The following ZBTB8OS variants were observed in gnomAD, a reference collection of about 807,000 sequenced individuals.
ZBTB8OS encodes the protein tRNA splicing ligase complex subunit 1.
In ZBTB8OS, 16 loss-of-function variants were observed where a neutral mutation model predicts 29.3. That is an observed-to-expected ratio of 0.55 (90% CI 0.37 to 0.83). The LOEUF (loss-of-function observed/expected upper bound fraction) is 0.83. Ranked by LOEUF, ZBTB8OS falls within the 40% of genes least tolerant of loss-of-function variation. The probability of loss-of-function intolerance (pLI) is 0.00; values close to 1 mark genes in which losing one functional copy is unlikely to be tolerated. For missense variants in ZBTB8OS, 160 were observed against 196.9 expected (o/e 0.81, Z 1.12); for synonymous variants, 70 against 64.6 (o/e 1.08, Z -0.40).
intron 1 of ZBTB8OS, among the ~76,000 whole-genome samples, chr1:32,645,572 CACAG>C (rs1300396686): frequency 2.6e-5 from 4 of 152,132 alleles, no homozygotes; most frequent in East Asian, 1.9e-4. Context: ...CTTTTTCTTT[CACAG>C]ACAGAGTCTT....
rs937621032 is a variant in ZBTB8OS, at chr1:32,634,334, C to T, written c.123-262G>A. On this transcript the variant is annotated intron_variant, in intron 2 of 6. Coordinates refer to ENST00000468695, the MANE Select transcript of ZBTB8OS (RefSeq NM_178547.5). ...CTCTGCCTCCTGGGTTCAAGCAATTCTCCTGCCTCAGCCTCACAAGTAGCT... is the reference window on the plus strand; with the variant it reads ...CTCTGCCTCCTGGGTTCAAGCAATTTTCCTGCCTCAGCCTCACAAGTAGCT... 2.3e-5 allele frequency: 7 copies of T among 309,326 alleles called. No individual in the cohort carries two copies. In the East Asian group the frequency reaches 2.3e-4, roughly 10 times the overall value. The allele number at this position is 309,326 out of a possible 1,614,324, so 19.2% of individuals were successfully genotyped here.
At chr1:32,627,448 A>G in intron 6 of ZBTB8OS, 60 bp downstream of exon 6, 2 of 1,481,290 alleles carry the variant, frequency 1.4e-6, no homozygotes, top group Non-Finnish European at 1.9e-6. Flanking sequence ...ATTGTCACAT[A>G]TATGAACTTT....
intron 1 of ZBTB8OS, among the ~76,000 whole-genome samples, chr1:32,643,737 C>T (rs1333945711): frequency 6.6e-6 from 1 of 152,006 alleles, no homozygotes; most frequent in East Asian, 1.9e-4. Flanking sequence ...CCTCGTAATC[C>T]GCCTGCCTCA....
chr1:32,634,000 T>C lies in ZBTB8OS; in HGVS notation c.195A>G (p.Thr65=), dbSNP rs1408883544. ...QCAMAMFGYM[T]DTGTVEPLQT... is the part of the protein sequence containing the mutation. ...GGAGGGGCTCCACTGTCCCAGTATC[T>C]GTCATGTAACCAAACATGGCCATTG... is the stretch of plus-strand genomic sequence containing the variant. Residue 65 remains threonine (T), a synonymous_variant, in exon 3 of 7, where the codon ACA becomes ACG. Coordinates refer to ENST00000468695, the MANE Select transcript of ZBTB8OS (RefSeq NM_178547.5). 6.3e-7 allele frequency: 1 copy of C among 1,599,590 alleles called. No individual in the cohort carries two copies. Among genetic ancestry groups the C allele is most frequent in the Non-Finnish European group, 8.5e-7 (1 of 1,176,814 alleles).
intron 1 of ZBTB8OS, among the ~76,000 whole-genome samples, chr1:32,645,901 G>T (rs1055873704): frequency 1.3e-5 from 2 of 152,128 alleles, no homozygotes. Context: ...GAAGGATATA[G>T]GGAACCCCAG....
In ZBTB8OS at chr1:32,625,975, C is replaced by T. The variant is rs367643428; in HGVS notation, c.417+1533G>A. ...GCAACCTCTGCCTCCCAGGTTCAAG[C>T]GATTCTCCTGCCTCAGCCTCCCGAA... On this transcript the variant is annotated intron_variant, in intron 6 of 6. Transcript: ENST00000468695. Among the ~76,000 whole-genome samples, 22 of 151,638 alleles carry T rather than the reference C, an allele frequency of 1.5e-4. No individual in the cohort carries two copies. The East Asian group carries it at 2.1e-3, about 15-fold the overall frequency.
chr1:32,626,670 T>C (rs1388999006), intron 6 of ZBTB8OS, among the ~76,000 whole-genome samples: 1 of 152,218 alleles, frequency 6.6e-6, no homozygotes, highest in Non-Finnish European at 1.5e-5. Context: ...TGCCTCAGCC[T>C]CCTGAGCAGC....
rs375059541 is a variant in ZBTB8OS, at chr1:32,630,618, T to C, written c.380+1209A>G. Among the ~76,000 whole-genome samples the C allele has an allele frequency of 1.7e-3, 264 of 152,214 alleles. 1 individual carries two copies. The highest frequency in any genetic ancestry group is 5.7e-3 in the African/African-American group (237 of 41,538). ...GGAGCCGGGCGTGGTGGTATGCACC[T>C]GTTGTCCCAGCTACTCAGGAGGCCA... is the stretch of plus-strand genomic sequence containing the variant. On this transcript the variant is annotated intron_variant, in intron 5 of 6. Coordinates refer to ENST00000468695, the MANE Select transcript of ZBTB8OS (RefSeq NM_178547.5).
At chr1:32,623,797 A>C (rs1025487776) in intron 6 of ZBTB8OS, among the ~76,000 whole-genome samples, 2 of 152,004 alleles carry the variant, frequency 1.3e-5, no homozygotes, top group East Asian at 3.9e-4. Context: ...CTCACTCCTC[A>C]TCTCTCTTGC....
At chr1:32,629,758 T>C (rs1324640025) in intron 5 of ZBTB8OS, among the ~76,000 whole-genome samples, 2 of 149,032 alleles carry the variant, frequency 1.3e-5, no homozygotes, top group African/African-American at 5.0e-5. Context: ...TCTTTTTTTT[T>C]TTTTTTTTTT....
At chr1:32,641,524 G>A (rs772598911) in intron 1 of ZBTB8OS, among the ~76,000 whole-genome samples, 5 of 148,980 alleles carry the variant, frequency 3.4e-5, no homozygotes, top group Admixed American at 6.7e-5. Context: ...CCACCGCCTC[G>A]GCCTCCCAAA....
chr1:32,645,086 G>A (rs939711636), intron 1 of ZBTB8OS, among the ~76,000 whole-genome samples: 1 of 152,074 alleles, frequency 6.6e-6, no homozygotes, highest in Non-Finnish European at 1.5e-5. Flanking sequence ...GGCTGAGGCA[G>A]GAGAATTGTT....
chr1:32,623,705 C>T (rs1341846029), intron 6 of ZBTB8OS, among the ~76,000 whole-genome samples: 1 of 152,096 alleles, frequency 6.6e-6, no homozygotes, highest in Non-Finnish European at 1.5e-5. Context: ...ACTCTCAGCT[C>T]CAGCTTGCTG....
At chr1:32,647,548 G>C (rs1312525943) in intron 1 of ZBTB8OS, among the ~76,000 whole-genome samples, 1 of 152,106 alleles carries the variant, frequency 6.6e-6, no homozygotes, top group Non-Finnish European at 1.5e-5. Flanking sequence ...CAGGACATGA[G>C]CTCACAAAGC....
chr1:32,649,921 CCCAAAG>C (rs1647192852), intron 1 of ZBTB8OS, among the ~76,000 whole-genome samples: 1 of 152,122 alleles, frequency 6.6e-6, no homozygotes, highest in African/African-American at 2.4e-5. Context: ...GCCTCGGCCT[CCCAAAG>C]TGCTGGGATC....
At chr1:32,644,814 G>A (rs1646716109) in intron 1 of ZBTB8OS, among the ~76,000 whole-genome samples, 1 of 149,994 alleles carries the variant, frequency 6.7e-6, no homozygotes, top group Admixed American at 6.7e-5. Context: ...CAAAGTGTTA[G>A]GATTATAGGC....
chr1:32,625,413 A>T (rs1036081715), intron 6 of ZBTB8OS, among the ~76,000 whole-genome samples: 1 of 151,934 alleles, frequency 6.6e-6, no homozygotes, highest in Non-Finnish European at 1.5e-5. Flanking sequence ...ATGTGCCTGT[A>T]ATCACAGCTA....
At chr1:32,643,068 G>GA (rs1214363092) in intron 1 of ZBTB8OS, among the ~76,000 whole-genome samples, 2 of 78,050 alleles carry the variant, frequency 2.6e-5, no homozygotes, top group East Asian at 1.0e-3. Flanking sequence ...ACCGTGCCTG[G>GA]CCTTTTTTTT....
At chr1:32,643,762 TG>T (rs1387306680) in intron 1 of ZBTB8OS, among the ~76,000 whole-genome samples, 5 of 152,072 alleles carry the variant, frequency 3.3e-5, no homozygotes, top group African/African-American at 1.2e-4. Flanking sequence ...CCCAAAGTGC[TG>T]GGATTACAGG....
Sources: allele counts gnomAD v4.1 joint callset (sites outside exome capture counted in the v4.1 genomes callset), GRCh38; gene constraint gnomAD v4.1.1; transcripts MANE v1.5; gene names NCBI Gene and HGNC (gene_info 2026-07-23, HGNC 2026-07-21).